Variants in CYB5R4 observed in about 807,000 individuals in gnomAD.
The protein encoded by CYB5R4 is N-terminal cytochrome b5 and cytochrome b5 oxidoreductase domain-containing protein.
Under a neutral mutation model 70.2 loss-of-function variants are expected in CYB5R4, and 55 were observed. The ratio of observed to expected loss-of-function variants is 0.78; its 90% confidence interval spans 0.63 to 0.98. The LOEUF (loss-of-function observed/expected upper bound fraction) is 0.98. CYB5R4 is among the 50% of genes least tolerant of loss of function. CYB5R4 has a pLI of 0.00. For missense variants in CYB5R4, 562 were observed against 612.6 expected (o/e 0.92, Z 0.87); for synonymous variants, 197 against 199.5 (o/e 0.99, Z 0.11).
At chr6:83,941,388 GCATTTCTATAAT>G (rs1183885600) in intron 14 of CYB5R4, among the ~76,000 whole-genome samples, 1 of 152,104 alleles carries the variant, frequency 6.6e-6, no homozygotes, top group Non-Finnish European at 1.5e-5. Context: ...ACTTTCTAAA[GCATTTCTATAAT>G]CATTAAAAGC....
At chr6:83,922,203 A>C (rs2099466494) in intron 8 of CYB5R4, among the ~76,000 whole-genome samples, 1 of 152,208 alleles carries the variant, frequency 6.6e-6, no homozygotes, top group African/African-American at 2.4e-5. Context: ...ATTTATGGGC[A>C]ATTGAGTATT....
chr6:83,924,512 A>C lies in CYB5R4; in HGVS notation c.734A>C (p.Gln245Pro), dbSNP rs774162839. ...ESVGKIEIVL[Q>P]KKENTSWDFL... ...GTGGGAAAAATAGAGATTGTTCTAC[A>C]AAAAAAAGAGAATACTTCTTGGGAC... The change falls in exon 10 of 16, where the codon CAA becomes CCA. Residue 245 changes from glutamine (Q) to proline (P), a missense_variant. By Grantham distance (76) the Gln-to-Pro change is moderately conservative (BLOSUM62 -1). Transcript: ENST00000369681. 7.5e-6 allele frequency: 12 copies of C among 1,609,142 alleles called. No homozygotes were observed. The highest frequency in any genetic ancestry group is 9.3e-6 in the Non-Finnish European group (11 of 1,176,514).
intron 5 of CYB5R4, among the ~76,000 whole-genome samples, chr6:83,916,749 T>C (rs2099465580): frequency 6.6e-6 from 1 of 152,182 alleles, no homozygotes; most frequent in South Asian, 2.1e-4. Context: ...TTTTACATCT[T>C]ACTTGCACTT....
intron 12 of CYB5R4, among the ~76,000 whole-genome samples, chr6:83,937,662 G>C (rs1562843762): frequency 6.6e-6 from 1 of 152,150 alleles, no homozygotes; most frequent in Non-Finnish European, 1.5e-5. Flanking sequence ...TGGGATTACA[G>C]GCACACACCA....
Position 83,891,863 on chromosome 6 carries a change from G to A in CYB5R4, c.230-1659G>A, listed in dbSNP as rs138285404. Among the ~76,000 whole-genome samples the A allele has an allele frequency of 3.1e-3, 476 of 152,310 alleles. 1 individual carries two copies. Among genetic ancestry groups the A allele is most frequent in the African/African-American group, 0.011 (442 of 41,574 alleles). ...GATAGCTATTTAAGCTACCAGAAGA[G>A]CTGGTTGCTGAAACTCGTGGAATTC... is the stretch of plus-strand genomic sequence containing the variant. On this transcript the variant is annotated intron_variant, in intron 2 of 15. Transcript: ENST00000369681.
At chr6:83,902,957 A>G (rs1450167374) in intron 3 of CYB5R4, among the ~76,000 whole-genome samples, 1 of 152,094 alleles carries the variant, frequency 6.6e-6, no homozygotes, top group Non-Finnish European at 1.5e-5. Flanking sequence ...AATACAAAAT[A>G]GTATTTGTTA....
intron 15 of CYB5R4, 98 bp downstream of exon 15, chr6:83,955,560 A>G: frequency 8.8e-7 from 1 of 1,137,640 alleles, no homozygotes; most frequent in African/African-American, 1.6e-5. Context: ...ATGAAACTGC[A>G]CTTTAATAAT....
intron 2 of CYB5R4, among the ~76,000 whole-genome samples, chr6:83,882,478 C>A (rs2099459598): frequency 6.6e-6 from 1 of 152,044 alleles, no homozygotes; most frequent in South Asian, 2.1e-4. Context: ...GAGTTAATTG[C>A]CTACTAAAAC....
At chr6:83,896,746 G>A (rs2099461965) in intron 3 of CYB5R4, among the ~76,000 whole-genome samples, 1 of 152,080 alleles carries the variant, frequency 6.6e-6, no homozygotes, top group South Asian at 2.1e-4. Flanking sequence ...GCAAATGCAG[G>A]TATCTCTTTG....
chr6:83,936,322 A>G lies in CYB5R4; in HGVS notation c.1054A>G (p.Ile352Val). Residue 352 changes from isoleucine to valine, a missense_variant, in exon 12 of 16, where the codon ATA becomes GTA. Coordinates refer to ENST00000369681, the MANE Select transcript of CYB5R4 (RefSeq NM_016230.4). ...LPNNKYIYFLIKIYPTGLFTP... is the reference protein window; with the variant it reads ...LPNNKYIYFLVKIYPTGLFTP... ...CAACAATAAATACATCTACTTTTTG[A>G]TAAAAATCTATCCCACTGGACTCTT... 6.2e-7 allele frequency: 1 copy of G among 1,612,820 alleles called. No homozygotes were observed. Among genetic ancestry groups the G allele is most frequent in the Non-Finnish European group, 8.5e-7 (1 of 1,179,436 alleles).
chr6:83,909,108 TAA>T lies in CYB5R4; in HGVS notation c.412+20_412+21del. 6.3e-7 allele frequency: 1 copy of T among 1,588,788 alleles called. No homozygotes were observed. Among genetic ancestry groups the T allele is most frequent in the East Asian group, 2.2e-5 (1 of 44,730 alleles). Reference sequence around the variant, plus strand: ...TCTGAAAGGTAAGTGGTGCTGGTGCTAAACCAGCATGGATGTGTGGTGCACAT... The same window carrying T: ...TCTGAAAGGTAAGTGGTGCTGGTGCTACCAGCATGGATGTGTGGTGCACAT... On this transcript the variant is annotated intron_variant, in intron 4 of 15. Coordinates refer to ENST00000369681, the MANE Select transcript of CYB5R4 (RefSeq NM_016230.4).
intron 9 of CYB5R4, 119 bp from the exon 10 acceptor site, chr6:83,924,351 A>G (rs2099466930): frequency 1.1e-6 from 1 of 949,070 alleles, no homozygotes; most frequent in African/African-American, 1.7e-5. Flanking sequence ...TTATCCCACT[A>G]ATAATCAGTA....
At chr6:83,866,533 A>G (rs1057288149) in intron 2 of CYB5R4, among the ~76,000 whole-genome samples, 1 of 151,910 alleles carries the variant, frequency 6.6e-6, no homozygotes, top group Non-Finnish European at 1.5e-5. Flanking sequence ...TAACCTCTAC[A>G]CTGCTCCCGG....
At chr6:83,936,512 C>T (rs760022201) in intron 12 of CYB5R4, 136 bp downstream of exon 12, 15 of 721,538 alleles carry the variant, frequency 2.1e-5, no homozygotes, top group Non-Finnish European at 3.4e-5. Context: ...TTCTCCTTGT[C>T]CTACACAGCG....
chr6:83,911,347 G>A (rs918553265), intron 4 of CYB5R4, among the ~76,000 whole-genome samples: 4 of 152,082 alleles, frequency 2.6e-5, no homozygotes, highest in Admixed American at 2.6e-4. Context: ...AGGAAAAAAT[G>A]GTTATTAAAC....
intron 14 of CYB5R4, among the ~76,000 whole-genome samples, chr6:83,946,524 C>T (rs908294246): frequency 6.6e-6 from 1 of 152,150 alleles, no homozygotes; most frequent in African/African-American, 2.4e-5. Flanking sequence ...ACAAGGATAT[C>T]CCCTCTCACC....
intron 3 of CYB5R4, among the ~76,000 whole-genome samples, chr6:83,906,074 A>G (rs990383822): frequency 6.6e-6 from 1 of 152,094 alleles, no homozygotes; most frequent in Non-Finnish European, 1.5e-5. Flanking sequence ...GGCAGGGGCA[A>G]TCCCCAGGCT....
chr6:83,898,675 T>G (rs1483084442), intron 3 of CYB5R4, among the ~76,000 whole-genome samples: 1 of 152,188 alleles, frequency 6.6e-6, no homozygotes, highest in Non-Finnish European at 1.5e-5. Context: ...GAAGAGGTCC[T>G]TCACATCCCT....
intron 2 of CYB5R4, among the ~76,000 whole-genome samples, chr6:83,869,799 G>T (rs1028153533): frequency 1.3e-5 from 2 of 151,998 alleles, no homozygotes; most frequent in South Asian, 4.1e-4. Context: ...CTCCAGCCTG[G>T]GCGACAAGGG....
Sources: allele counts gnomAD v4.1 joint callset (sites outside exome capture counted in the v4.1 genomes callset), GRCh38; gene constraint gnomAD v4.1.1; transcripts MANE v1.5; gene names NCBI Gene and HGNC (gene_info 2026-07-23, HGNC 2026-07-21).